GRHL3: variants seen among roughly 807,000 people sequenced by gnomAD.
GRHL3 encodes grainyhead-like protein 3 homolog.
GRHL3 carries 20 observed loss-of-function variants against 70.3 expected under a neutral mutation model. The ratio of observed to expected loss-of-function variants is 0.28; its 90% CI spans 0.20 to 0.41. The LOEUF is 0.41. Among genes scored for constraint, GRHL3 ranks in the 10% least tolerant of loss-of-function variants. GRHL3 has a pLI of 1.00. For synonymous variants in GRHL3, 299 were observed against 299.9 expected (o/e 1.00, Z 0.03); for missense variants, 637 against 762.3 (o/e 0.84, Z 1.94).
chr1:24,328,639 C>T (rs1449384092), intron 1 of GRHL3, among the ~76,000 whole-genome samples: 1 of 152,200 alleles, frequency 6.6e-6, no homozygotes, highest in East Asian at 1.9e-4. Flanking sequence ...CAGATTGGGG[C>T]TCCAGGCCCA....
At chr1:24,328,467 T>A (rs751231318) in intron 1 of GRHL3, among the ~76,000 whole-genome samples, 1 of 152,244 alleles carries the variant, frequency 6.6e-6, no homozygotes, top group Non-Finnish European at 1.5e-5. Context: ...ACAAGATAGA[T>A]TGGAGACCTT....
chr1:24,336,686 C>A lies in GRHL3; in HGVS notation c.471C>A (p.Ala157=), dbSNP rs139093980. The A allele has an allele frequency of 6.6e-5, 106 of 1,613,992 alleles. No individual in the cohort carries two copies. Among genetic ancestry groups the A allele is most frequent in the Non-Finnish European group, 8.6e-5 (101 of 1,180,014 alleles). The part of the protein sequence containing the change: ...PLPAGPSKLE[A]GSVDSYLLPT... ...CTGCAGGCCCCAGCAAGCTGGAGGC[C>A]GGCTCTGTGGACAGCTACCTGTTAC... is the stretch of plus-strand genomic sequence containing the variant. The change falls in exon 4 of 16, where the codon GCC becomes GCA. Residue 157 remains alanine (A), a synonymous_variant. Transcript: ENST00000361548.
chr1:24,363,607 G>C (rs574970817), intron 15 of GRHL3, among the ~76,000 whole-genome samples: 2 of 152,220 alleles, frequency 1.3e-5, no homozygotes, highest in African/African-American at 4.8e-5. Context: ...CTACTACCCA[G>C]ATTGTTAGGA....
intron 15 of GRHL3, among the ~76,000 whole-genome samples, chr1:24,363,239 G>A (rs1053731031): frequency 6.6e-6 from 1 of 152,200 alleles, no homozygotes; most frequent in South Asian, 2.1e-4. Context: ...GGCAAGATGG[G>A]TTAGAGAGGT....
chr1:24,319,483 C>T lies in GRHL3; in HGVS notation c.-69C>T. On this transcript the variant is annotated 5_prime_UTR_variant, in exon 1 of 16. Coordinates refer to ENST00000361548, the MANE Select transcript of GRHL3 (RefSeq NM_198173.3). ...TTTCCCGGGCAGAGAATGTCTGTGT[C>T]AGGCAAGAATTAGAGACAAGCGGTC... The T allele has an allele frequency of 6.9e-7, 1 of 1,441,808 alleles. No individual in the cohort carries two copies. Among genetic ancestry groups the T allele is most frequent in the Non-Finnish European group, 9.8e-7 (1 of 1,023,220 alleles). 89.3% of individuals were successfully genotyped at this position (1,441,808 alleles called of 1,614,324 possible). A position where few individuals can be genotyped will look rare whatever the true frequency, so the allele number is the denominator to read the frequency against.
rs1039118166 is a variant in GRHL3, at chr1:24,336,907, G to A, written c.612+80G>A. 10 of 1,341,986 alleles carry A rather than the reference G, an allele frequency of 7.5e-6. No individual in the cohort carries two copies. The African/African-American group carries it at 8.7e-5, about 12-fold the overall frequency. 83.1% of individuals were successfully genotyped at this position (1,341,986 alleles called of 1,614,324 possible). On this transcript the variant is annotated intron_variant, in intron 4 of 15. Transcript: ENST00000361548. ...ATGAGAGAAGATAGTGAACAGATCA[G>A]AGCTTTGGAATCCATGGGGGAAAGC... is the stretch of plus-strand genomic sequence containing the variant.
chr1:24,347,415 A>G (rs1361404806), intron 13 of GRHL3, 53 bp from the exon 14 acceptor site: 2 of 1,429,318 alleles, frequency 1.4e-6, no homozygotes, highest in Admixed American at 1.7e-5. Context: ...AGCCCCTGAG[A>G]TGATCCTGTT....
At chr1:24,356,742 G>A (rs1228935060), downstream of GRHL3, among the ~76,000 whole-genome samples, 1 of 152,212 alleles carries the variant, frequency 6.6e-6, no homozygotes, top group African/African-American at 2.4e-5. Context: ...TGCGAGGAAG[G>A]GGCTGCAGCA....
chr1:24,325,096 T>G (rs60573031), intron 1 of GRHL3, among the ~76,000 whole-genome samples: 39 of 152,264 alleles, frequency 2.6e-4, no homozygotes, highest in African/African-American at 9.1e-4. Context: ...TAGAGAGTGA[T>G]TGATCACTGT....
chr1:24,354,543 C>A lies in GRHL3; in HGVS notation c.*55C>A. ...CTGCAAGGGGCCAGCAGGGACGTGGCCCCACGCCACACACAACCTCTCCAC... is the reference window on the plus strand; with the variant it reads ...CTGCAAGGGGCCAGCAGGGACGTGGACCCACGCCACACACAACCTCTCCAC... On this transcript the variant is annotated 3_prime_UTR_variant, in exon 16 of 16. Coordinates refer to ENST00000361548, the MANE Select transcript of GRHL3 (RefSeq NM_198173.3). The A allele has an allele frequency of 9.1e-7, 1 of 1,095,172 alleles. No individual in the cohort carries two copies. The highest frequency in any genetic ancestry group is 1.4e-6 in the Non-Finnish European group (1 of 711,366). 67.8% of individuals were successfully genotyped at this position (1,095,172 alleles called of 1,614,324 possible).
rs769724406 is a variant in GRHL3, at chr1:24,342,225, G to A, written c.1158G>A (p.Glu386=). The A allele has an allele frequency of 3.3e-5, 53 of 1,613,304 alleles. No individual in the cohort carries two copies. Among genetic ancestry groups the A allele is most frequent in the Non-Finnish European group, 3.6e-5 (43 of 1,179,644 alleles). The change falls in exon 9 of 16, where the codon GAG becomes GAA. Residue 386 remains glutamate (E), a synonymous_variant. Transcript: ENST00000361548. The surrounding 1 kb of genome is among the most constrained non-coding windows in gnomAD (Gnocchi z 4.8). ...IDTYDCGLGT[E]RLVHRAVCQI... ...CCTATGACTGTGGCTTGGGCACTGA[G>A]CGCCTGGTACACCGTGCTGTCTGCC...
chr1:24,346,581 T>C lies in GRHL3; in HGVS notation c.1483T>C (p.Phe495Leu). The change falls in exon 13 of 16, where the codon TTC (phenylalanine) becomes CTC (leucine). Residue 495 changes from phenylalanine to leucine, a missense_variant. By Grantham distance (22) the Phe-to-Leu change is conservative. Coordinates refer to ENST00000361548, the MANE Select transcript of GRHL3 (RefSeq NM_198173.3). ...GCCTCTGAAGCGTACCTGCTCGCCC[T>C]TCACTGAGGAGTTTGAGCCTCTGCC... is the stretch of plus-strand genomic sequence containing the variant. ...RLPLKRTCSPFTEEFEPLPSK... is the reference protein window; with the variant it reads ...RLPLKRTCSPLTEEFEPLPSK... The C allele has an allele frequency of 1.2e-6, 2 of 1,613,260 alleles. No individual in the cohort carries two copies. The highest frequency in any genetic ancestry group is 1.7e-6 in the Non-Finnish European group (2 of 1,179,602).
At chr1:24,348,028 G>A (rs554820084) in intron 14 of GRHL3, among the ~76,000 whole-genome samples, 2 of 152,252 alleles carry the variant, frequency 1.3e-5, no homozygotes, top group South Asian at 2.1e-4. Context: ...CAGAGAGTGG[G>A]CAAAACAGCC....
At chr1:24,330,261 A>G (rs1639551931) in intron 1 of GRHL3, among the ~76,000 whole-genome samples, 1 of 152,198 alleles carries the variant, frequency 6.6e-6, no homozygotes, top group South Asian at 2.1e-4. Context: ...TGAAGTATAC[A>G]CTACATTGTT....
Position 24,336,624 on chromosome 1 carries a change from G to A in GRHL3, c.409G>A (p.Gly137Arg). ...GAAGAATAACCTGATGAGCTTGGAG[G>A]GGGCCTTGCCCACCCCTGGCAAGGC... ...LKKNNLMSLEGALPTPGKAAP... is the reference protein window; with the variant it reads ...LKKNNLMSLERALPTPGKAAP... The change falls in exon 4 of 16, where the codon GGG becomes AGG. Residue 137 changes from glycine to arginine, a missense_variant. Transcript: ENST00000361548. 6 of 1,614,108 alleles carry A rather than the reference G, an allele frequency of 3.7e-6. No homozygotes were observed. The highest frequency in any genetic ancestry group is 5.1e-6 in the Non-Finnish European group (6 of 1,179,990).
At chr1:24,357,779 A>G (rs1182622863), downstream of GRHL3, 3 of 195,280 alleles carry the variant, frequency 1.5e-5, no homozygotes, top group East Asian at 3.6e-4. Flanking sequence ...AGAGAGACGA[A>G]AGCTATCAGG....
At chr1:24,361,267 G>A (rs1641098619) in intron 15 of GRHL3, among the ~76,000 whole-genome samples, 1 of 152,208 alleles carries the variant, frequency 6.6e-6, no homozygotes, top group African/African-American at 2.4e-5. Flanking sequence ...GGTCAGGGTT[G>A]TCAGGATAAA....
At chr1:24,348,249 G>A (rs1640369691) in intron 14 of GRHL3, among the ~76,000 whole-genome samples, 1 of 152,238 alleles carries the variant, frequency 6.6e-6, no homozygotes, top group African/African-American at 2.4e-5. Context: ...CAGTTGGTCA[G>A]ACATGCCGCC....
intron 1 of GRHL3, among the ~76,000 whole-genome samples, chr1:24,320,460 G>A (rs1639138275): frequency 6.6e-6 from 1 of 152,184 alleles, no homozygotes; most frequent in Admixed American, 6.5e-5. Flanking sequence ...GGGTGAGGCT[G>A]GGATCTGGGC....
Sources: gnomAD v4.1 joint callset for allele counts (sites outside exome capture counted in the v4.1 genomes callset) on GRCh38, gnomAD v4.1.1 for gene constraint, Gnocchi (gnomAD v3.1) non-coding constraint, MANE v1.5 for transcripts, NCBI Gene and HGNC (gene_info 2026-07-23, HGNC 2026-07-21) for gene names.